Variants in UBE2E2 observed in about 807,000 individuals in gnomAD.
UBE2E2 encodes the protein ubiquitin-conjugating enzyme E2 E2.
A neutral mutation model predicts 24.7 loss-of-function variants in UBE2E2; 6 were observed. The observed-to-expected ratio is 0.24, with a 90% confidence interval of 0.13 to 0.48. The LOEUF (loss-of-function observed/expected upper bound fraction) is 0.48, where lower values mean the gene tolerates loss of function less well. Among genes scored for constraint, UBE2E2 ranks in the 20% least tolerant of loss-of-function variants. The pLI, the probability that UBE2E2 is intolerant of heterozygous loss-of-function variation, is 0.99. For synonymous variants in UBE2E2, 104 were observed against 83.6 expected (o/e 1.24, Z -1.33); for missense variants, 169 against 245.0 (o/e 0.69, Z 2.07).
chr3:23,266,314 C>T lies in UBE2E2; in HGVS notation c.227+49002C>T, dbSNP rs1001201766. 2.6e-5 allele frequency among the ~76,000 whole-genome samples: 4 copies of T among 152,264 alleles called. No homozygotes were observed. In the East Asian group the frequency reaches 7.7e-4, roughly 29 times the overall value. On this transcript the variant is annotated intron_variant, in intron 3 of 5. Transcript: ENST00000396703. ...TGTTCCTTTCCATGTTTAGCGCTTCCTTCAGGAGCTCTTTTAGGGCAGGCC... is the reference window on the plus strand; with the variant it reads ...TGTTCCTTTCCATGTTTAGCGCTTCTTTCAGGAGCTCTTTTAGGGCAGGCC...
intron 4 of UBE2E2, among the ~76,000 whole-genome samples, chr3:23,509,398 A>C (rs1034464027): frequency 6.6e-6 from 1 of 152,216 alleles, no homozygotes; most frequent in Non-Finnish European, 1.5e-5. Flanking sequence ...GATGAAAAAA[A>C]GTATAATATT....
chr3:23,290,255 G>A (rs1331389266), intron 3 of UBE2E2, among the ~76,000 whole-genome samples: 1 of 152,212 alleles, frequency 6.6e-6, no homozygotes, highest in Admixed American at 6.5e-5. Context: ...AAGTGAGGGG[G>A]CACTTTATTA....
At chr3:23,540,687 G>A (rs1224600281) in intron 5 of UBE2E2, among the ~76,000 whole-genome samples, 1 of 152,100 alleles carries the variant, frequency 6.6e-6, no homozygotes, top group Non-Finnish European at 1.5e-5. Context: ...ACAGGCATGA[G>A]CCACCGTGCC....
chr3:23,363,207 C>T lies in UBE2E2; in HGVS notation c.228-136401C>T, dbSNP rs114975162. Among the ~76,000 whole-genome samples the T allele has an allele frequency of 4.2e-3, 640 of 152,300 alleles. 6 individuals carry two copies. The highest frequency in any genetic ancestry group is 0.014 in the African/African-American group (590 of 41,564). The stretch of plus-strand genomic sequence containing the variant: ...ACCATCACAAAAACACATTTAAGAA[C>T]GTAGACTAGTAATGCTATAAAGCAG... On this transcript the variant is annotated intron_variant, in intron 3 of 5. Transcript: ENST00000396703.
intron 1 of UBE2E2, among the ~76,000 whole-genome samples, chr3:23,203,735 C>T (rs558701743): frequency 2.7e-5 from 4 of 146,054 alleles, no homozygotes; most frequent in African/African-American, 1.0e-4. Context: ...CTACCCCCTT[C>T]CGTTCTCAGT....
At chr3:23,550,935 A>G (rs1306689250) in intron 5 of UBE2E2, among the ~76,000 whole-genome samples, 1 of 152,198 alleles carries the variant, frequency 6.6e-6, no homozygotes, top group African/African-American at 2.4e-5. Flanking sequence ...GCCTTTGGTT[A>G]AGTTTGCATA....
At chr3:23,550,207 C>T (rs1481290527) in intron 5 of UBE2E2, among the ~76,000 whole-genome samples, 4 of 152,118 alleles carry the variant, frequency 2.6e-5, no homozygotes, top group African/African-American at 7.2e-5. Flanking sequence ...CTTTAGGCTC[C>T]TATTTTTATA....
intron 3 of UBE2E2, among the ~76,000 whole-genome samples, chr3:23,340,363 G>A (rs917931335): frequency 6.6e-6 from 1 of 151,994 alleles, no homozygotes; most frequent in African/African-American, 2.4e-5. Flanking sequence ...CATCTACTAT[G>A]CACTATATTT....
chr3:23,260,139 A>G (rs766940520), intron 3 of UBE2E2, among the ~76,000 whole-genome samples: 1 of 152,354 alleles, frequency 6.6e-6, no homozygotes, highest in East Asian at 1.9e-4. Context: ...CTTTGAAAGC[A>G]TCTGAAAAGG....
chr3:23,357,441 A>G (rs1328957850), intron 3 of UBE2E2, among the ~76,000 whole-genome samples: 1 of 152,170 alleles, frequency 6.6e-6, no homozygotes, highest in Admixed American at 6.5e-5. Flanking sequence ...GCATACACAT[A>G]AATGAGATTA....
Position 23,287,812 on chromosome 3 carries a change from G to A in UBE2E2, c.227+70500G>A, listed in dbSNP as rs532542599. ...TTACATCTCTGATTTTATTCATTTG[G>A]GTGTTTTCTCTTTTTTTCTTAGTTC... On this transcript the variant is annotated intron_variant, in intron 3 of 5. Transcript: ENST00000396703. 7.4e-4 allele frequency among the ~76,000 whole-genome samples: 110 copies of A among 148,928 alleles called. 1 individual carries two copies. Among genetic ancestry groups the A allele is most frequent in the African/African-American group, 2.6e-3 (107 of 40,824 alleles).
At chr3:23,300,687 C>G (rs1575544527) in intron 3 of UBE2E2, among the ~76,000 whole-genome samples, 1 of 152,134 alleles carries the variant, frequency 6.6e-6, no homozygotes, top group Non-Finnish European at 1.5e-5. Flanking sequence ...TTGTGGGTAA[C>G]CCGACCTTTC....
At chr3:23,401,501 T>G (rs1426204130) in intron 3 of UBE2E2, among the ~76,000 whole-genome samples, 1 of 152,096 alleles carries the variant, frequency 6.6e-6, no homozygotes, top group Non-Finnish European at 1.5e-5. Context: ...GGTAAAAACG[T>G]GGGATTTTAT....
chr3:23,459,134 T>A (rs1256851129), intron 3 of UBE2E2, among the ~76,000 whole-genome samples: 1 of 152,212 alleles, frequency 6.6e-6, no homozygotes, highest in Non-Finnish European at 1.5e-5. Flanking sequence ...TGGTCACAAA[T>A]TATTGACCTC....
intron 3 of UBE2E2, among the ~76,000 whole-genome samples, chr3:23,237,803 T>C (rs1697153937): frequency 6.6e-6 from 1 of 152,186 alleles, no homozygotes; most frequent in African/African-American, 2.4e-5. Flanking sequence ...TTTTGAAATG[T>C]ATAAGGCCTT....
intron 3 of UBE2E2, among the ~76,000 whole-genome samples, chr3:23,293,474 G>A (rs188524051): frequency 5.4e-4 from 82 of 152,268 alleles, no homozygotes; most frequent in Middle Eastern, 6.8e-3. Flanking sequence ...GTTGTTTAAT[G>A]TGTGTAGCCC....
At position 23,337,272 on chromosome 3, in the gene UBE2E2, A is replaced by G. The variant is rs150501750; in HGVS notation, c.227+119960A>G. ...AAAAATTATAGAAAGTGTAGTTTCT[A>G]TGTATTGCTGGTAGTTGTCAGTCAC... On this transcript the variant is annotated intron_variant, in intron 3 of 5. Coordinates refer to ENST00000396703, the MANE Select transcript of UBE2E2 (RefSeq NM_152653.4). 3.3e-5 allele frequency among the ~76,000 whole-genome samples: 5 copies of G among 152,316 alleles called. 1 individual carries two copies. The highest frequency in any genetic ancestry group is 7.2e-5 in the African/African-American group (3 of 41,570).
chr3:23,226,905 T>A (rs1205816196), intron 3 of UBE2E2, among the ~76,000 whole-genome samples: 2 of 148,784 alleles, frequency 1.3e-5, no homozygotes, highest in Admixed American at 1.4e-4. Context: ...GGGAATCCAG[T>A]AAGAAAAGTG....
chr3:23,440,940 G>C (rs1425172364), intron 3 of UBE2E2, among the ~76,000 whole-genome samples: 1 of 152,130 alleles, frequency 6.6e-6, no homozygotes. Flanking sequence ...GGCAGGGTCA[G>C]TAGTCTGCTG....
Sources: gnomAD v4.1 joint callset for allele counts (sites outside exome capture counted in the v4.1 genomes callset) on GRCh38, gnomAD v4.1.1 for gene constraint, MANE v1.5 for transcripts, NCBI Gene and HGNC (gene_info 2026-07-23, HGNC 2026-07-21) for gene names.